Variants in CPHXL2 observed in about 807,000 individuals in gnomAD.
CPHXL2 encodes the protein cytoplasmic polyadenylated homeobox-like protein 2.
At chr16:75,664,096 T>C in the CPHXL2 span, among the ~76,000 whole-genome samples, 2 of 152,168 alleles carry the variant, frequency 1.3e-5, no homozygotes, top group Non-Finnish European at 2.9e-5. Flanking sequence ...AATCTGCCTA[T>C]GACTTGGAAG....
chr16:75,673,467 A>T, the CPHXL2 span, among the ~76,000 whole-genome samples: 19 of 151,254 alleles, frequency 1.3e-4, no homozygotes, highest in African/African-American at 3.9e-4. Flanking sequence ...AAAAAAAATT[A>T]AAAAAAAAGT....
At chr16:75,661,297 A>T in the CPHXL2 span, 1 of 400,356 alleles carries the variant, frequency 2.5e-6, no homozygotes, top group South Asian at 1.3e-4. Context: ...TTCTCTGATT[A>T]TATGCCTCTA....
the CPHXL2 span, among the ~76,000 whole-genome samples, chr16:75,666,608 C>CA: frequency 0.095 from 6,044 of 63,598 alleles, 334 homozygotes; most frequent in Non-Finnish European, 0.12. Context: ...AACTCTATCT[C>CA]AAAAAAAAAA....
At chr16:75,672,900 C>A in the CPHXL2 span, among the ~76,000 whole-genome samples, 1 of 150,560 alleles carries the variant, frequency 6.6e-6, no homozygotes, top group Non-Finnish European at 1.5e-5. Context: ...AAAACAAAAA[C>A]AAAAACAAAA....
At chr16:75,665,730 G>T in the CPHXL2 span, among the ~76,000 whole-genome samples, 1 of 152,136 alleles carries the variant, frequency 6.6e-6, no homozygotes, top group Non-Finnish European at 1.5e-5. Context: ...GGACATGGTG[G>T]CAGGCGTCTG....
At chr16:75,660,893 A>G in the CPHXL2 span, 22 of 398,698 alleles carry the variant, frequency 5.5e-5, no homozygotes, top group East Asian at 2.5e-4. Context: ...CTGCGACCAG[A>G]TAGGAGCACT....
At chr16:75,670,021 TCTC>T in the CPHXL2 span, among the ~76,000 whole-genome samples, 133 of 152,226 alleles carry the variant, frequency 8.7e-4, no homozygotes, top group African/African-American at 2.8e-3. Flanking sequence ...TTCAAGCAAT[TCTC>T]CTGCCTCAGC....
At chr16:75,666,936 A>T in the CPHXL2 span, among the ~76,000 whole-genome samples, 1 of 152,192 alleles carries the variant, frequency 6.6e-6, no homozygotes, top group Non-Finnish European at 1.5e-5. Flanking sequence ...AACCTTCAAA[A>T]CCATGCAAAT....
At chr16:75,674,273 T>C in the CPHXL2 span, among the ~76,000 whole-genome samples, 3 of 145,942 alleles carry the variant, frequency 2.1e-5, no homozygotes, top group Admixed American at 2.1e-4. Flanking sequence ...CTCGGGAGGC[T>C]GAGGCAGGAC....
chr16:75,672,069 C>A, the CPHXL2 span, among the ~76,000 whole-genome samples: 1 of 150,142 alleles, frequency 6.7e-6, no homozygotes, highest in Non-Finnish European at 1.5e-5. Context: ...GTCAAGAGTT[C>A]GAAACCAGCT....
chr16:75,663,099 C>T, the CPHXL2 span, among the ~76,000 whole-genome samples: 5 of 152,074 alleles, frequency 3.3e-5, no homozygotes, highest in Admixed American at 3.3e-4. Flanking sequence ...TCACTGCGCC[C>T]GGTGGGAGGT....
chr16:75,671,361 C>CAA, the CPHXL2 span, among the ~76,000 whole-genome samples: 11,425 of 126,272 alleles, frequency 0.09, 979 homozygotes, highest in African/African-American at 0.23. Flanking sequence ...GACTCTGTAT[C>CAA]AAAAAAAAAA....
the CPHXL2 span, among the ~76,000 whole-genome samples, chr16:75,663,199 A>G: frequency 6.6e-5 from 10 of 152,330 alleles, no homozygotes; most frequent in African/African-American, 2.4e-4. Flanking sequence ...GTGCTACTAA[A>G]TTCAGAATTG....
chr16:75,669,282 C>G, the CPHXL2 span: 1 of 396,310 alleles, frequency 2.5e-6, no homozygotes, highest in Non-Finnish European at 4.4e-6. Flanking sequence ...CTCCATTGCA[C>G]TCCAGACTGG....
At chr16:75,666,989 A>G in the CPHXL2 span, among the ~76,000 whole-genome samples, 1 of 152,094 alleles carries the variant, frequency 6.6e-6, no homozygotes, top group Admixed American at 6.5e-5. Context: ...TCATTGGGTC[A>G]ACAGTGAAAT....
chr16:75,668,376 G>C, the CPHXL2 span, among the ~76,000 whole-genome samples: 1 of 151,680 alleles, frequency 6.6e-6, no homozygotes, highest in African/African-American at 2.4e-5. Context: ...TTACAGGCAC[G>C]CACCACCACT....
chr16:75,676,366 C>A, the CPHXL2 span, among the ~76,000 whole-genome samples: 1 of 152,168 alleles, frequency 6.6e-6, no homozygotes, highest in African/African-American at 2.4e-5. Context: ...CTCTGTCACC[C>A]AGGCTGGAGT....
the CPHXL2 span, chr16:75,660,959 G>A: frequency 1.3e-5 from 5 of 398,550 alleles, no homozygotes; most frequent in Non-Finnish European, 2.2e-5. Flanking sequence ...AGCACATGGA[G>A]CCCACCTGTT....
At chr16:75,674,335 T>TGCACTCCA in the CPHXL2 span, among the ~76,000 whole-genome samples, 1 of 125,186 alleles carries the variant, frequency 8.0e-6, no homozygotes, top group African/African-American at 3.2e-5. Flanking sequence ...ATCGCACCAC[T>TGCACTCCA]GCACTCCAGC....
Sources: gnomAD v4.1 joint callset for allele counts (sites outside exome capture counted in the v4.1 genomes callset) on GRCh38, gnomAD v4.1.1 for gene constraint, MANE v1.5 for transcripts, NCBI Gene and HGNC (gene_info 2026-07-23, HGNC 2026-07-21) for gene names.